The following NPAS2 variants were observed in gnomAD, a reference collection of about 807,000 sequenced individuals.
NPAS2 encodes neuronal PAS domain-containing protein 2.
In NPAS2, 23 loss-of-function variants were observed where a neutral mutation model predicts 107.5. The observed-to-expected ratio is 0.21, with a 90% confidence interval of 0.15 to 0.30. The LOEUF (loss-of-function observed/expected upper bound fraction) is 0.30, where lower values mean the gene tolerates loss of function less well. NPAS2 is among the 10% of genes least tolerant of loss of function. The probability of loss-of-function intolerance (pLI) is 1.00; values close to 1 mark genes in which losing one functional copy is unlikely to be tolerated. For missense variants in NPAS2, 756 were observed against 1,043.3 expected (o/e 0.72, Z 3.79); for synonymous variants, 403 against 417.5 (o/e 0.97, Z 0.42).
chr2:100,895,326 G>A (rs1204811658), intron 1 of NPAS2, among the ~76,000 whole-genome samples: 1 of 152,192 alleles, frequency 6.6e-6, no homozygotes, highest in Non-Finnish European at 1.5e-5. Flanking sequence ...CTCTTATGCT[G>A]TCTCACAGCC....
intron 7 of NPAS2, among the ~76,000 whole-genome samples, chr2:100,963,114 G>T (rs17025078): frequency 6.6e-6 from 1 of 152,126 alleles, no homozygotes; most frequent in African/African-American, 2.4e-5. Flanking sequence ...TCCTCTGGGG[G>T]TGACCCCTAA....
chr2:100,819,452 C>T (rs1297047098), upstream of NPAS2, among the ~76,000 whole-genome samples: 2 of 152,300 alleles, frequency 1.3e-5, no homozygotes, highest in East Asian at 3.9e-4. The surrounding 1 kb of genome is among the most constrained non-coding windows in gnomAD (Gnocchi z 5.8). Context: ...CGCTCGCCCG[C>T]ATCTTCCCCG....
intron 6 of NPAS2, among the ~76,000 whole-genome samples, chr2:100,949,078 A>G (rs541547034): frequency 2.6e-5 from 4 of 152,224 alleles, no homozygotes; most frequent in African/African-American, 4.8e-5. Flanking sequence ...AACATACCAT[A>G]TGAAAACAGC....
At chr2:100,913,502 G>A (rs1367269590) in intron 2 of NPAS2, among the ~76,000 whole-genome samples, 2 of 152,156 alleles carry the variant, frequency 1.3e-5, no homozygotes, top group Non-Finnish European at 2.9e-5. Context: ...CTTAGTAGCA[G>A]GGAAGCCTGA....
intron 13 of NPAS2, 62 bp from the exon 14 acceptor site, chr2:100,975,396 T>C (rs915870572): frequency 7.0e-7 from 1 of 1,436,918 alleles, no homozygotes; most frequent in African/African-American, 1.4e-5. Context: ...ATGGGTCCCC[T>C]CTTCGGATGA....
chr2:100,902,115 A>G (rs1230444642), intron 1 of NPAS2, among the ~76,000 whole-genome samples: 1 of 152,122 alleles, frequency 6.6e-6, no homozygotes, highest in Non-Finnish European at 1.5e-5. Context: ...TGAAAACTTT[A>G]TACGGTTGAG....
intron 1 of NPAS2, among the ~76,000 whole-genome samples, chr2:100,883,992 A>G (rs945315588): frequency 1.3e-5 from 2 of 152,118 alleles, no homozygotes; most frequent in African/African-American, 4.8e-5. Flanking sequence ...AGAGAAGAGG[A>G]GCAGCTCTTG....
chr2:100,920,997 G>A (rs1293117972), intron 2 of NPAS2, among the ~76,000 whole-genome samples: 1 of 152,254 alleles, frequency 6.6e-6, no homozygotes, highest in Admixed American at 6.5e-5. Flanking sequence ...CCTCCTGTTA[G>A]TGTGTGGCAC....
At chr2:100,904,825 G>A in intron 2 of NPAS2, 39 bp downstream of exon 2, 1 of 1,483,072 alleles carries the variant, frequency 6.7e-7, no homozygotes, top group Non-Finnish European at 9.3e-7. Flanking sequence ...AGAGCTCTCT[G>A]GCCCCCGGGG....
At chr2:100,995,173 C>G in intron 20 of NPAS2, 1 of 473,678 alleles carries the variant, frequency 2.1e-6, no homozygotes, top group East Asian at 3.2e-5. Flanking sequence ...AAGGTGCCCC[C>G]ACTATTGGCG....
Position 100,827,974 on chromosome 2 carries a change from GT to G in NPAS2, c.-23+7562del, listed in dbSNP as rs1219881099. Among the ~76,000 whole-genome samples the G allele has an allele frequency of 2.6e-5, 4 of 152,286 alleles. No homozygotes were observed. In the East Asian group the frequency reaches 7.7e-4, roughly 29 times the overall value. On this transcript the variant is annotated intron_variant, in intron 1 of 20. Coordinates refer to ENST00000335681, the MANE Select transcript of NPAS2 (RefSeq NM_002518.4). ...GGTCAAATTAGTAGCTCTGTTTTAAGTTCTTTGAGAAAGCTCCAAACTGCAT... is the reference window on the plus strand; with the variant it reads ...GGTCAAATTAGTAGCTCTGTTTTAAGTCTTTGAGAAAGCTCCAAACTGCAT...
At chr2:100,926,941 C>CTTTTTT (rs71378131) in intron 3 of NPAS2, among the ~76,000 whole-genome samples, 3 of 126,866 alleles carry the variant, frequency 2.4e-5, no homozygotes, top group African/African-American at 9.2e-5. Flanking sequence ...TTTTTTCTTT[C>CTTTTTT]TTTTTTTTTT....
intron 10 of NPAS2, among the ~76,000 whole-genome samples, chr2:100,966,633 AC>A (rs1160483951): frequency 7.3e-6 from 1 of 137,588 alleles, no homozygotes; most frequent in African/African-American, 2.8e-5. Flanking sequence ...TCGCTCTGTC[AC>A]CCAGGCTGGA....
At chr2:100,927,318 G>A (rs1391026671) in intron 3 of NPAS2, among the ~76,000 whole-genome samples, 1 of 152,150 alleles carries the variant, frequency 6.6e-6, no homozygotes, top group Non-Finnish European at 1.5e-5. Flanking sequence ...CGTAAGGTGG[G>A]CTATGAAAAT....
At chr2:100,985,945 C>T (rs1677751617) in intron 16 of NPAS2, 1 of 152,168 alleles carries the variant, frequency 6.6e-6, no homozygotes, top group Admixed American at 6.5e-5. Flanking sequence ...AAACTCTAAT[C>T]AAAAGGTAAA....
At chr2:100,841,436 G>T (rs1248771645) in intron 1 of NPAS2, among the ~76,000 whole-genome samples, 1 of 152,138 alleles carries the variant, frequency 6.6e-6, no homozygotes, top group African/African-American at 2.4e-5. Flanking sequence ...GCGAAACTCC[G>T]TCTCAAAAGA....
chr2:100,937,020 G>C (rs528896382), intron 4 of NPAS2, among the ~76,000 whole-genome samples: 3 of 149,266 alleles, frequency 2.0e-5, no homozygotes, highest in Admixed American at 2.0e-4. Flanking sequence ...AAAAGTGTCT[G>C]CTTTATGAGA....
chr2:100,859,253 A>G (rs1678783415), intron 1 of NPAS2, among the ~76,000 whole-genome samples: 1 of 151,846 alleles, frequency 6.6e-6, no homozygotes, highest in Admixed American at 6.6e-5. Flanking sequence ...ACAGAGCGAG[A>G]CTCCATCTCA....
Position 100,963,631 on chromosome 2 carries a change from G to C in NPAS2, c.599-427G>C, listed in dbSNP as rs548438475. Reference sequence around the variant, plus strand: ...GGGTTTCACAGTGTTGGCCATGGTGGTCTCGAACTTCTGGCCTCAAGTGAT... The same window carrying C: ...GGGTTTCACAGTGTTGGCCATGGTGCTCTCGAACTTCTGGCCTCAAGTGAT... On this transcript the variant is annotated intron_variant, in intron 7 of 20. Transcript: ENST00000335681. Among the ~76,000 whole-genome samples, 13 of 152,266 alleles carry C rather than the reference G, an allele frequency of 8.5e-5. No individual in the cohort carries two copies. In the South Asian group the frequency reaches 2.7e-3, roughly 32 times the overall value.
Sources: gnomAD v4.1 joint callset for allele counts (sites outside exome capture counted in the v4.1 genomes callset) on GRCh38, gnomAD v4.1.1 for gene constraint, Gnocchi (gnomAD v3.1) non-coding constraint, MANE v1.5 for transcripts, NCBI Gene and HGNC (gene_info 2026-07-23, HGNC 2026-07-21) for gene names.